The following TEC variants were observed in gnomAD, a reference collection of about 807,000 sequenced individuals.
TEC encodes tec protein tyrosine kinase.
Under a neutral mutation model 93.0 loss-of-function variants are expected in TEC, and 72 were observed. The observed-to-expected ratio is 0.77, with a 90% CI of 0.64 to 0.94. TEC has a LOEUF of 0.94. TEC is among the 40% of genes least tolerant of loss of function. The probability of loss-of-function intolerance (pLI) is 0.00; values close to 1 mark genes in which losing one functional copy is unlikely to be tolerated. For missense variants in TEC, 630 were observed against 757.9 expected, an observed-to-expected ratio of 0.83 and a Z score of 1.98; for synonymous variants, 249 against 247.7, an observed-to-expected ratio of 1.01 and a Z score of -0.05.
At chr4:48,156,642 T>C in intron 9 of TEC, 38 bp downstream of exon 9, 1 of 1,584,666 alleles carries the variant, frequency 6.3e-7, no homozygotes, top group Non-Finnish European at 8.6e-7. Context: ...TTAAAATTAA[T>C]TTGCCCTTAA....
intron 2 of TEC, among the ~76,000 whole-genome samples, chr4:48,190,792 G>A (rs1365071805): frequency 6.6e-6 from 1 of 152,150 alleles, no homozygotes; most frequent in Non-Finnish European, 1.5e-5. Context: ...AAATGTAAAT[G>A]ATGGGAAAAC....
At chr4:48,236,019 T>A (rs1251016485) in intron 1 of TEC, among the ~76,000 whole-genome samples, 1 of 152,178 alleles carries the variant, frequency 6.6e-6, no homozygotes, top group African/African-American at 2.4e-5. Flanking sequence ...AAAAGTTTAA[T>A]GAGGTGTCAC....
chr4:48,221,870 C>T (rs1039106082), intron 2 of TEC, among the ~76,000 whole-genome samples: 6 of 152,138 alleles, frequency 3.9e-5, no homozygotes, highest in Non-Finnish European at 8.8e-5. Flanking sequence ...ATAAACATAG[C>T]TACGGCTGAA....
At chr4:48,142,966 GCCA>G (rs751577771) in intron 14 of TEC, among the ~76,000 whole-genome samples, 19 of 152,202 alleles carry the variant, frequency 1.2e-4, no homozygotes, top group African/African-American at 3.9e-4. Context: ...ACAGGCGTGA[GCCA>G]CCACACCTGG....
Position 48,146,409 on chromosome 4 carries a change from A to G in TEC, c.1007-10T>C, listed in dbSNP as rs1393499896. On this transcript the variant is annotated splice_polypyrimidine_tract_variant and intron_variant, in intron 11 of 17. Coordinates refer to ENST00000381501, the MANE Select transcript of TEC (RefSeq NM_003215.3). ...AGCCTGGTGACAAGTCCTAATAATC[A>G]AAGAAAGCGTTGCAGTCAAACTCAT... The G allele has an allele frequency of 6.2e-7, 1 of 1,613,036 alleles. No individual in the cohort carries two copies. The highest frequency in any genetic ancestry group is 1.1e-5 in the South Asian group (1 of 90,982).
intron 3 of TEC, among the ~76,000 whole-genome samples, chr4:48,174,666 A>G (rs1309083656): frequency 1.3e-4 from 8 of 60,626 alleles, no homozygotes; most frequent in South Asian, 8.9e-4. Flanking sequence ...CTCAAAGGAA[A>G]AAAAAAAAAA....
At chr4:48,185,813 TCCCC>T (rs1560397410) in intron 2 of TEC, among the ~76,000 whole-genome samples, 9 of 90,400 alleles carry the variant, frequency 1.0e-4, no homozygotes, top group Non-Finnish European at 1.9e-4. Context: ...CCCATCTCCC[TCCCC>T]CTCCCCCTCT....
chr4:48,228,308 G>T (rs1385531528), intron 2 of TEC, among the ~76,000 whole-genome samples, 169 bp downstream of exon 2: 1 of 152,130 alleles, frequency 6.6e-6, no homozygotes, highest in Non-Finnish European at 1.5e-5. Flanking sequence ...ATAATTAACA[G>T]ATTTGTTAAT....
intron 1 of TEC, among the ~76,000 whole-genome samples, chr4:48,235,419 A>G (rs1377247177): frequency 6.6e-6 from 1 of 152,240 alleles, no homozygotes; most frequent in East Asian, 1.9e-4. Context: ...AAATCAGAAT[A>G]TCATTGGAGA....
intron 1 of TEC, among the ~76,000 whole-genome samples, chr4:48,260,293 C>T (rs1369062404): frequency 2.0e-5 from 3 of 152,122 alleles, no homozygotes; most frequent in Non-Finnish European, 4.4e-5. Context: ...TGAATAAAAG[C>T]TAGAAATCAG....
chr4:48,168,056 A>T, intron 6 of TEC, 103 bp from the exon 7 acceptor site: 1 of 1,005,840 alleles, frequency 9.9e-7, no homozygotes. Flanking sequence ...TAAACTAGAA[A>T]CTTCAAGTCT....
intron 8 of TEC, among the ~76,000 whole-genome samples, chr4:48,159,442 G>A (rs534251826): frequency 7.4e-4 from 112 of 152,178 alleles, no homozygotes; most frequent in Non-Finnish European, 1.4e-3. Flanking sequence ...GCCCAGGCTG[G>A]AGTGCAGTGG....
intron 1 of TEC, among the ~76,000 whole-genome samples, chr4:48,245,869 G>A (rs1724038853): frequency 6.6e-6 from 1 of 152,130 alleles, no homozygotes; most frequent in African/African-American, 2.4e-5. Flanking sequence ...CCAGCACTTT[G>A]GGAGGCAGAG....
chr4:48,197,584 G>A (rs563377002), intron 2 of TEC, among the ~76,000 whole-genome samples: 4 of 152,178 alleles, frequency 2.6e-5, no homozygotes, highest in Non-Finnish European at 5.9e-5. Context: ...TATACCAGGA[G>A]GACGAAAGAC....
intron 2 of TEC, among the ~76,000 whole-genome samples, chr4:48,208,013 T>A (rs1254525627): frequency 6.6e-6 from 1 of 152,078 alleles, no homozygotes. Flanking sequence ...CACCTACCGA[T>A]GAGGACCCCA....
chr4:48,205,277 A>G (rs897405353), intron 2 of TEC, among the ~76,000 whole-genome samples: 4 of 152,122 alleles, frequency 2.6e-5, no homozygotes, highest in African/African-American at 9.7e-5. Context: ...GGCTCACTTC[A>G]CCTGATTCTC....
At chr4:48,140,314 C>A (rs1306444630) in intron 15 of TEC, among the ~76,000 whole-genome samples, 1 of 152,170 alleles carries the variant, frequency 6.6e-6, no homozygotes, top group Non-Finnish European at 1.5e-5. Context: ...AGACTTCAAG[C>A]TTTTTCACTT....
chr4:48,138,875 G>A (rs201694271), intron 16 of TEC, 29 bp downstream of exon 16: 58 of 1,613,178 alleles, frequency 3.6e-5, no homozygotes, highest in East Asian at 6.7e-5. Flanking sequence ...TCCTCAGGGC[G>A]GACGGACATG....
At chr4:48,230,871 G>A (rs1188838338) in intron 1 of TEC, among the ~76,000 whole-genome samples, 1 of 152,150 alleles carries the variant, frequency 6.6e-6, no homozygotes, top group African/African-American at 2.4e-5. Flanking sequence ...CCTCCTTGAT[G>A]TAGTCTCTCC....
Sources: allele counts gnomAD v4.1 joint callset (sites outside exome capture counted in the v4.1 genomes callset), GRCh38; gene constraint gnomAD v4.1.1; transcripts MANE v1.5; gene names NCBI Gene and HGNC (gene_info 2026-07-23, HGNC 2026-07-21).